FAM120B: variants seen among roughly 807,000 people sequenced by gnomAD.
FAM120B encodes the protein family with sequence similarity 120 member B.
Under a neutral mutation model 96.3 loss-of-function variants are expected in FAM120B, and 83 were observed. The ratio of observed to expected loss-of-function variants is 0.86; its 90% CI spans 0.72 to 1.03. The LOEUF is 1.03. FAM120B is among the 50% of genes least tolerant of loss of function. The probability of loss-of-function intolerance (pLI) is 0.00; values close to 1 mark genes in which losing one functional copy is unlikely to be tolerated. For synonymous variants in FAM120B, 407 were observed against 402.7 expected (o/e 1.01, Z -0.13); for missense variants, 1,027 against 1,121.2 (o/e 0.92, Z 1.20).
intron 9 of FAM120B, among the ~76,000 whole-genome samples, chr6:170,401,210 A>AC (rs35930433): frequency 6.6e-6 from 1 of 151,528 alleles, no homozygotes; most frequent in Non-Finnish European, 1.5e-5. Context: ...AGTAACAGGA[A>AC]CCCCCCAGTC....
intron 5 of FAM120B, among the ~76,000 whole-genome samples, chr6:170,351,637 A>G (rs538085731): frequency 2.6e-4 from 40 of 152,292 alleles, no homozygotes; most frequent in African/African-American, 8.4e-4. Flanking sequence ...TTGAGTGCCA[A>G]TACTCAACAT....
rs1183034365 is a variant in FAM120B, at chr6:170,339,630, G to C, written c.2018-8521G>C. On this transcript the variant is annotated intron_variant, in intron 4 of 10. Coordinates refer to ENST00000476287, the MANE Select transcript of FAM120B (RefSeq NM_032448.3). ...TTGTCTCTACTAAAAATACAAAAAA[G>C]TAGCCAGGCATTGTGGCACGCACCT... Among the ~76,000 whole-genome samples the C allele has an allele frequency of 8.6e-5, 13 of 151,924 alleles. No individual in the cohort carries two copies. In the South Asian group the frequency reaches 2.1e-3, roughly 24 times the overall value.
At chr6:170,313,724 T>C (rs1784735195) in intron 1 of FAM120B, among the ~76,000 whole-genome samples, 1 of 152,272 alleles carries the variant, frequency 6.6e-6, no homozygotes. Context: ...CCTCTAGTGC[T>C]CTGATCCAGC....
In FAM120B at chr6:170,406,254, G is replaced by A. The variant is rs1306023548; in HGVS notation, c.*1503G>A. ...ACCTGAGAAAGGAGAAGAAAAGCTG[G>A]TGGTGACCCCTGCTCCTGCTGGGCC... On this transcript the variant is annotated 3_prime_UTR_variant, in exon 11 of 11. Coordinates refer to ENST00000476287, the MANE Select transcript of FAM120B (RefSeq NM_032448.3). The A allele has an allele frequency of 1.3e-5, 2 of 152,242 alleles. No individual in the cohort carries two copies. Among genetic ancestry groups the A allele is most frequent in the Non-Finnish European group, 2.9e-5 (2 of 68,074 alleles). 9.4% of individuals were successfully genotyped at this position (152,242 alleles called of 1,614,324 possible).
upstream of FAM120B, chr6:170,290,813 C>A (rs902217795): frequency 1.8e-5 from 11 of 603,954 alleles, no homozygotes; most frequent in Non-Finnish European, 2.9e-5. The surrounding 1 kb of genome is among the most constrained non-coding windows in gnomAD (Gnocchi z 4.7). Context: ...CCAGTACACA[C>A]GCGCAGGACC....
intron 5 of FAM120B, among the ~76,000 whole-genome samples, chr6:170,356,327 A>T (rs548431479): frequency 3.3e-5 from 5 of 152,356 alleles, no homozygotes; most frequent in Admixed American, 1.3e-4. Flanking sequence ...CAACAGATTG[A>T]TAAATCAATT....
chr6:170,301,218 C>G (rs1157758511), intron 1 of FAM120B, among the ~76,000 whole-genome samples: 1 of 152,232 alleles, frequency 6.6e-6, no homozygotes, highest in Non-Finnish European at 1.5e-5. Context: ...TTTGGCGCAC[C>G]AGCAGGACCA....
upstream of FAM120B, among the ~76,000 whole-genome samples, chr6:170,303,060 T>G (rs189919606): frequency 6.6e-6 from 1 of 152,236 alleles, no homozygotes; most frequent in East Asian, 1.9e-4. Flanking sequence ...AATAACTTTT[T>G]AAAACTTAAA....
upstream of FAM120B, among the ~76,000 whole-genome samples, chr6:170,305,590 G>A (rs1420315284): frequency 1.3e-5 from 2 of 152,216 alleles, no homozygotes; most frequent in Non-Finnish European, 1.5e-5. Flanking sequence ...GCTCACCAGG[G>A]CTTATAGCTG....
In FAM120B at chr6:170,370,944, G is replaced by A. The variant is rs147296346; in HGVS notation, c.2283+12626G>A. 2.6e-5 allele frequency among the ~76,000 whole-genome samples: 4 copies of A among 152,212 alleles called. No homozygotes were observed. The highest frequency in any genetic ancestry group is 6.5e-5 in the Admixed American group (1 of 15,278). On this transcript the variant is annotated intron_variant, in intron 6 of 10. Coordinates refer to ENST00000476287, the MANE Select transcript of FAM120B (RefSeq NM_032448.3). The surrounding 1 kb of genome is among the most constrained non-coding windows in gnomAD (Gnocchi z 4.3). ...CCACCACCCCACCAAGCAAGAAATG[G>A]TGTATATATATCTCAATACGGATGG... is the stretch of plus-strand genomic sequence containing the variant.
rs748928620 is a variant in FAM120B at position 170,318,007 on chromosome 6, T to G, written c.617T>G (p.Leu206Arg). 6.2e-7 allele frequency: 1 copy of G among 1,613,932 alleles called. No homozygotes were observed. Among genetic ancestry groups the G allele is most frequent in the Non-Finnish European group, 8.5e-7 (1 of 1,179,888 alleles). Residue 206 changes from leucine to arginine, a missense_variant, in exon 2 of 11, where the codon CTC becomes CGC. Leu to Arg is a moderately radical substitution (Grantham distance 102). Coordinates refer to ENST00000476287, the MANE Select transcript of FAM120B (RefSeq NM_032448.3). ...LCLESLDTVM[L>R]CREKLCESLG... The stretch of plus-strand genomic sequence containing the variant: ...CTAGAGAGCCTGGACACCGTCATGC[T>G]CTGCAGAGAGAAGCTCTGTGAGAGT...
At chr6:170,342,928 G>A (rs1432290025) in intron 4 of FAM120B, among the ~76,000 whole-genome samples, 1 of 152,170 alleles carries the variant, frequency 6.6e-6, no homozygotes, top group East Asian at 1.9e-4. Context: ...TGACTGGATG[G>A]GTGTGGATGG....
intron 5 of FAM120B, among the ~76,000 whole-genome samples, chr6:170,355,648 G>A (rs78486473): frequency 7.9e-5 from 12 of 152,130 alleles, no homozygotes; most frequent in Non-Finnish European, 1.3e-4. Flanking sequence ...GAGATGATCT[G>A]TGCAGTAACC....
At chr6:170,368,351 A>G (rs933734263) in intron 6 of FAM120B, among the ~76,000 whole-genome samples, 1 of 152,110 alleles carries the variant, frequency 6.6e-6, no homozygotes, top group Admixed American at 6.5e-5. Flanking sequence ...GCCATGTGTC[A>G]AAAGCAGATT....
intron 3 of FAM120B, among the ~76,000 whole-genome samples, chr6:170,326,441 T>C (rs557915105): frequency 1.3e-5 from 2 of 152,336 alleles, no homozygotes; most frequent in South Asian, 2.1e-4. Context: ...TCTATGTTCT[T>C]GTTCATTTCA....
At chr6:170,301,886 C>G (rs1182984664), upstream of FAM120B, among the ~76,000 whole-genome samples, 1 of 152,224 alleles carries the variant, frequency 6.6e-6, no homozygotes, top group Non-Finnish European at 1.5e-5. Flanking sequence ...ACTTTCCCAC[C>G]TGTTCCTATC....
chr6:170,356,543 G>C (rs1405266215), intron 5 of FAM120B, among the ~76,000 whole-genome samples: 3 of 152,122 alleles, frequency 2.0e-5, no homozygotes, highest in Non-Finnish European at 4.4e-5. Flanking sequence ...GTTGTGTCTT[G>C]GTATATGTGA....
chr6:170,313,930 C>G (rs1381590001), intron 1 of FAM120B, among the ~76,000 whole-genome samples: 2 of 152,222 alleles, frequency 1.3e-5, no homozygotes, highest in East Asian at 3.8e-4. Flanking sequence ...GTCCCTCATC[C>G]CTGTGTCCAG....
chr6:170,318,661 A>G lies in FAM120B; in HGVS notation c.1271A>G (p.Glu424Gly), dbSNP rs771239203. The change falls in exon 2 of 11, where the codon GAA becomes GGA. Residue 424 changes from glutamate (E) to glycine (G), a missense_variant. Glu to Gly is a moderately conservative substitution (Grantham distance 98). Around this residue, in one of 3 missense-constraint regions of FAM120B, gnomAD observed 880 missense variants for 980.9 expected, o/e 0.90. Coordinates refer to ENST00000476287, the MANE Select transcript of FAM120B (RefSeq NM_032448.3). ...TGTACAGGCCCTGAAGCCAGGCAAG[A>G]AGTTCCCATGTATACAGACTCTGAA... The part of the protein sequence containing the change: ...PMCTGPEARQ[E>G]VPMYTDSEPR... 4 of 1,590,294 alleles carry G rather than the reference A, an allele frequency of 2.5e-6. No homozygotes were observed. The highest frequency in any genetic ancestry group is 2.6e-6 in the Non-Finnish European group (3 of 1,167,126).
Sources: gnomAD v4.1 joint callset for allele counts (sites outside exome capture counted in the v4.1 genomes callset) on GRCh38, gnomAD v4.1.1 for gene constraint, gnomAD v4.1.1 regional missense constraint, Gnocchi (gnomAD v3.1) non-coding constraint, MANE v1.5 for transcripts, NCBI Gene and HGNC (gene_info 2026-07-23, HGNC 2026-07-21) for gene names.